Variants in SPECC1L observed in about 807,000 individuals in gnomAD.
SPECC1L encodes sperm antigen with calponin homology and coiled-coil domains 1 like.
A neutral mutation model predicts 116.8 loss-of-function variants in SPECC1L; 40 were observed. The observed-to-expected ratio is 0.34, with a 90% confidence interval of 0.27 to 0.45. SPECC1L has a LOEUF of 0.45. Among genes scored for constraint, SPECC1L ranks in the 20% least tolerant of loss-of-function variants. SPECC1L has a pLI of 1.00. For synonymous variants in SPECC1L, 504 were observed against 500.6 expected, an observed-to-expected ratio of 1.01 and a Z score of -0.09; for missense variants, 1,110 against 1,373.6, an observed-to-expected ratio of 0.81 and a Z score of 3.03.
At chr22:24,358,660 A>G (rs2041580760) in intron 11 of SPECC1L, among the ~76,000 whole-genome samples, 1 of 152,152 alleles carries the variant, frequency 6.6e-6, no homozygotes, top group Non-Finnish European at 1.5e-5. Context: ...TTTTCCCCAC[A>G]GCCTCACTTT....
intron 2 of SPECC1L, among the ~76,000 whole-genome samples, chr22:24,292,536 T>C (rs2049174402): frequency 6.6e-6 from 1 of 152,162 alleles, no homozygotes; most frequent in Non-Finnish European, 1.5e-5. Flanking sequence ...ATACATAAAG[T>C]GATTAAGTGA....
At chr22:24,353,294 C>T (rs1025739166) in intron 11 of SPECC1L, among the ~76,000 whole-genome samples, 2 of 152,172 alleles carry the variant, frequency 1.3e-5, no homozygotes, top group Non-Finnish European at 2.9e-5. Flanking sequence ...CAGTCTGCAG[C>T]TGCTTCTCAC....
chr22:24,411,568 T>A lies in SPECC1L; in HGVS notation c.3088-20T>A, dbSNP rs1163429214. On this transcript the variant is annotated intron_variant, in intron 14 of 16. Transcript: ENST00000314328. The stretch of plus-strand genomic sequence containing the variant: ...GGTCCCAGCATGTGTTGGTTACATG[T>A]TTTTCTTCCTTTCCTTCAGAATATT... 1 of 1,608,606 alleles carries A rather than the reference T, an allele frequency of 6.2e-7. No homozygotes were observed. Among genetic ancestry groups the A allele is most frequent in the African/African-American group, 1.3e-5 (1 of 74,842 alleles).
chr22:24,374,148 A>G (rs889364339), intron 14 of SPECC1L, among the ~76,000 whole-genome samples: 1 of 152,060 alleles, frequency 6.6e-6, no homozygotes, highest in Non-Finnish European at 1.5e-5. Flanking sequence ...ATGTGGAGAA[A>G]TAGGAACACT....
At chr22:24,363,119 TG>T in intron 11 of SPECC1L, 141 bp from the exon 12 acceptor site, 1 of 743,248 alleles carries the variant, frequency 1.3e-6, no homozygotes, top group South Asian at 1.5e-5. Flanking sequence ...AAACAGACTA[TG>T]GGAAATTGTT....
intron 11 of SPECC1L, among the ~76,000 whole-genome samples, chr22:24,361,374 G>GCAAC (rs2041639554): frequency 6.6e-6 from 1 of 151,956 alleles, no homozygotes; most frequent in African/African-American, 2.4e-5. Flanking sequence ...GGGCAACAGA[G>GCAAC]CAAGGTCCTG....
intron 1 of SPECC1L, among the ~76,000 whole-genome samples, chr22:24,275,630 A>G (rs1173289394): frequency 4.1e-5 from 6 of 147,578 alleles, no homozygotes; most frequent in Non-Finnish European, 8.9e-5. Flanking sequence ...AACTTTGTCT[A>G]TTGTGCATAT....
intron 13 of SPECC1L, among the ~76,000 whole-genome samples, chr22:24,368,727 A>C (rs754964412): frequency 2.0e-5 from 3 of 152,098 alleles, no homozygotes; most frequent in African/African-American, 4.8e-5. Flanking sequence ...GCTCACTGCA[A>C]CCTCCATCTC....
At chr22:24,336,535 T>C (rs1290744287) in intron 9 of SPECC1L, among the ~76,000 whole-genome samples, 1 of 152,054 alleles carries the variant, frequency 6.6e-6, no homozygotes, top group African/African-American at 2.4e-5. Flanking sequence ...CACCTGTTAA[T>C]AGCCACTGTA....
At chr22:24,325,537 G>T (rs999965943) in intron 6 of SPECC1L, among the ~76,000 whole-genome samples, 10 of 134,804 alleles carry the variant, frequency 7.4e-5, no homozygotes, top group African/African-American at 2.8e-4. Context: ...TTACTTAAAT[G>T]GATTTATTTA....
chr22:24,298,872 T>C (rs2049319596), intron 2 of SPECC1L, among the ~76,000 whole-genome samples: 1 of 152,248 alleles, frequency 6.6e-6, no homozygotes, highest in Non-Finnish European at 1.5e-5. Flanking sequence ...CGCAGAATAA[T>C]ATTTGACCAA....
At chr22:24,406,717 T>C (rs1368493779) in intron 14 of SPECC1L, among the ~76,000 whole-genome samples, 4 of 152,184 alleles carry the variant, frequency 2.6e-5, no homozygotes, top group African/African-American at 7.2e-5. Flanking sequence ...TTCATGTGTT[T>C]CCTCTCCAAG....
chr22:24,312,486 T>A (rs937136066), intron 3 of SPECC1L, among the ~76,000 whole-genome samples: 2 of 152,228 alleles, frequency 1.3e-5, no homozygotes, highest in African/African-American at 4.8e-5. Context: ...GTTGGCTAAC[T>A]CATGCCAAAG....
At position 24,322,077 on chromosome 22, in the gene SPECC1L, C is replaced by T. The variant is rs1237290079; in HGVS notation, c.1097C>T (p.Pro366Leu). Residue 366 changes from proline (P) to leucine (L), a missense_variant, in exon 5 of 17, where the codon CCA becomes CTA. Around this residue, in one of 4 missense-constraint regions of SPECC1L, gnomAD observed 437 missense variants for 482.6 expected, o/e 0.91. Coordinates refer to ENST00000314328, the MANE Select transcript of SPECC1L (RefSeq NM_015330.6). ...TCGAGCGATGATGCGCTGGATGCACCATCCTCCTCAGAGTCGGAAGGCATC... is the reference window on the plus strand; with the variant it reads ...TCGAGCGATGATGCGCTGGATGCACTATCCTCCTCAGAGTCGGAAGGCATC... ...LTSSDDALDA[P>L]SSSESEGIPS... 6.2e-7 allele frequency: 1 copy of T among 1,614,066 alleles called. No homozygotes were observed. Among genetic ancestry groups the T allele is most frequent in the Non-Finnish European group, 8.5e-7 (1 of 1,180,044 alleles).
chr22:24,305,529 A>G (rs907755481), intron 3 of SPECC1L, among the ~76,000 whole-genome samples: 1 of 152,092 alleles, frequency 6.6e-6, no homozygotes, highest in Non-Finnish European at 1.5e-5. Context: ...CATGGGATGA[A>G]TATACCACAG....
intron 4 of SPECC1L, among the ~76,000 whole-genome samples, chr22:24,320,630 A>T (rs1208025055): frequency 1.3e-5 from 2 of 152,214 alleles, no homozygotes; most frequent in East Asian, 3.8e-4. Context: ...CACGTCTTTA[A>T]TGAGGCTTAT....
chr22:24,319,762 C>G (rs557667174), intron 4 of SPECC1L, among the ~76,000 whole-genome samples: 30 of 152,318 alleles, frequency 2.0e-4, no homozygotes, highest in African/African-American at 7.0e-4. Context: ...TATACCTGTT[C>G]TGTTAGTGGC....
rs878887882 is a variant in SPECC1L, at chr22:24,321,233, T to C, written c.308-55T>C. 7 of 1,598,782 alleles carry C rather than the reference T, an allele frequency of 4.4e-6. No individual in the cohort carries two copies. In the Admixed American group the frequency reaches 8.3e-5, roughly 19 times the overall value. On this transcript the variant is annotated intron_variant, in intron 4 of 16. Transcript: ENST00000314328. The stretch of plus-strand genomic sequence containing the variant: ...CCTGGGGCAGGAACTGTGTATTCTA[T>C]GTAGCCTTTTATTGCTGACATTTTT...
At position 24,411,746 on chromosome 22, in the gene SPECC1L, G is replaced by A. The variant is rs368725769; in HGVS notation, c.3204+42G>A. 7 of 1,532,806 alleles carry A rather than the reference G, an allele frequency of 4.6e-6. No individual in the cohort carries two copies. The African/African-American group carries it at 8.2e-5, about 18-fold the overall frequency. The allele number at this position is 1,532,806 out of a possible 1,614,324, so 95.0% of individuals were successfully genotyped here. On this transcript the variant is annotated intron_variant, in intron 15 of 16. Coordinates refer to ENST00000314328, the MANE Select transcript of SPECC1L (RefSeq NM_015330.6). ...CAGCTCCTGGCACCCACCTCACAGG[G>A]TTGGAGGGCTGAGAACCAAGGGCAG...
Sources: allele counts gnomAD v4.1 joint callset (sites outside exome capture counted in the v4.1 genomes callset), GRCh38; gene constraint gnomAD v4.1.1; regional missense constraint gnomAD v4.1.1; transcripts MANE v1.5; gene names NCBI Gene and HGNC (gene_info 2026-07-23, HGNC 2026-07-21).